Variants in NHSL1 observed in about 807,000 individuals in gnomAD.
NHSL1 encodes NHS-like protein 1.
Under a neutral mutation model 95.0 loss-of-function variants are expected in NHSL1, and 48 were observed. The observed-to-expected ratio is 0.51, with a 90% CI of 0.40 to 0.64. The LOEUF (loss-of-function observed/expected upper bound fraction) is 0.64, where lower values mean the gene tolerates loss of function less well. Ranked by LOEUF, NHSL1 falls within the 30% of genes least tolerant of loss-of-function variation. The probability of loss-of-function intolerance (pLI) is 0.00; values close to 1 mark genes in which losing one functional copy is unlikely to be tolerated. For missense variants in NHSL1, 1,971 were observed against 2,077.7 expected (o/e 0.95, Z 1.00); for synonymous variants, 783 against 833.9 (o/e 0.94, Z 1.05).
chr6:138,529,368 T>C (rs1583362112), intron 1 of NHSL1, among the ~76,000 whole-genome samples: 1 of 152,256 alleles, frequency 6.6e-6, no homozygotes, highest in African/African-American at 2.4e-5. Context: ...TTTTTTGTTT[T>C]GTTTTAATGA....
At chr6:138,521,175 G>T (rs1781666093) in intron 1 of NHSL1, among the ~76,000 whole-genome samples, 1 of 152,192 alleles carries the variant, frequency 6.6e-6, no homozygotes, top group African/African-American at 2.4e-5. Context: ...TTTCAAAACA[G>T]CTTAGGTGGA....
At position 138,431,036 on chromosome 6, in the gene NHSL1, T is replaced by A. The variant is rs1370456793; in HGVS notation, c.3309A>T (p.Pro1103=). 6.4e-7 allele frequency: 1 copy of A among 1,551,874 alleles called. No homozygotes were observed. Among genetic ancestry groups the A allele is most frequent in the African/African-American group, 1.4e-5 (1 of 73,070 alleles). ...SERTAQEQRT[P]VAPQYHLKPS... ...GCTTTAAGTGGTACTGTGGAGCAAC[T>A]GGAGTTCGTTGTTCCTGAGCTGTTC... Residue 1103 remains proline (P), a synonymous_variant, in exon 6 of 8, where the codon CCA becomes CCT. Transcript: ENST00000343505. This position sits in a 1 kb window ranked among gnomAD's most constrained non-coding sequence, Gnocchi z 4.0.
chr6:138,472,622 C>T (rs1180518111), intron 3 of NHSL1, among the ~76,000 whole-genome samples: 1 of 152,154 alleles, frequency 6.6e-6, no homozygotes, highest in African/African-American at 2.4e-5. Context: ...TGTCAATCCA[C>T]ATTACTTAGT....
At chr6:138,566,816 A>G (rs1214772092) in intron 1 of NHSL1, among the ~76,000 whole-genome samples, 1 of 152,152 alleles carries the variant, frequency 6.6e-6, no homozygotes, top group Non-Finnish European at 1.5e-5. Context: ...GGCAGTCTCA[A>G]TGGACCAGAG....
chr6:138,606,903 C>A (rs1050657861), intron 1 of NHSL1, among the ~76,000 whole-genome samples: 1 of 151,906 alleles, frequency 6.6e-6, no homozygotes, highest in Non-Finnish European at 1.5e-5. Context: ...CGGGGTTTCA[C>A]CATGTTAGCC....
At chr6:138,641,140 T>C (rs900767170) in intron 1 of NHSL1, among the ~76,000 whole-genome samples, 9 of 152,104 alleles carry the variant, frequency 5.9e-5, no homozygotes, top group Admixed American at 3.9e-4. Flanking sequence ...CCATCTCTAT[T>C]AAAAATACAA....
chr6:138,443,884 T>C (rs555435078), intron 4 of NHSL1, among the ~76,000 whole-genome samples: 20 of 152,282 alleles, frequency 1.3e-4, no homozygotes, highest in African/African-American at 4.6e-4. Context: ...TTTTGCTTCC[T>C]AGACAAAAGA....
At chr6:138,562,094 G>A (rs1003640807) in intron 1 of NHSL1, among the ~76,000 whole-genome samples, 3 of 152,126 alleles carry the variant, frequency 2.0e-5, no homozygotes, top group African/African-American at 4.8e-5. Context: ...CCAGCTTCAG[G>A]CATCCCCAGC....
chr6:138,527,860 G>A (rs1017894166), intron 1 of NHSL1, among the ~76,000 whole-genome samples: 1 of 152,198 alleles, frequency 6.6e-6, no homozygotes, highest in Non-Finnish European at 1.5e-5. Flanking sequence ...TACCATCTGT[G>A]TAGTTGAGAT....
chr6:138,458,237 G>C (rs1777749108), intron 3 of NHSL1, among the ~76,000 whole-genome samples: 1 of 152,108 alleles, frequency 6.6e-6, no homozygotes, highest in African/African-American at 2.4e-5. Context: ...TGTTATACTG[G>C]TTTGCACATT....
At chr6:138,496,679 T>A (rs147840545) in intron 1 of NHSL1, among the ~76,000 whole-genome samples, 1 of 152,264 alleles carries the variant, frequency 6.6e-6, no homozygotes, top group African/African-American at 2.4e-5. Flanking sequence ...CTGACAGAAT[T>A]GATAGAGACC....
At chr6:138,436,932 A>G (rs1435127362) in intron 5 of NHSL1, among the ~76,000 whole-genome samples, 1 of 152,164 alleles carries the variant, frequency 6.6e-6, no homozygotes, top group Non-Finnish European at 1.5e-5. Flanking sequence ...TTTTAAGTCC[A>G]CAGTTGAGAT....
At chr6:138,443,074 TACAC>T (rs201034152) in intron 4 of NHSL1, among the ~76,000 whole-genome samples, 9 of 150,980 alleles carry the variant, frequency 6.0e-5, no homozygotes, top group Non-Finnish European at 1.2e-4. Flanking sequence ...TATATATATA[TACAC>T]ACACACACAT....
At chr6:138,621,038 G>A (rs1480716191) in intron 1 of NHSL1, among the ~76,000 whole-genome samples, 1 of 152,198 alleles carries the variant, frequency 6.6e-6, no homozygotes, top group Admixed American at 6.5e-5. Flanking sequence ...GTAAGAAGGA[G>A]GAGAAAGTTG....
intron 1 of NHSL1, among the ~76,000 whole-genome samples, chr6:138,637,645 C>G (rs1375599376): frequency 2.0e-5 from 3 of 152,168 alleles, no homozygotes; most frequent in Admixed American, 2.0e-4. Flanking sequence ...CATCACTGAT[C>G]ATCAGAGAAC....
exon 1 of NHSL1, chr6:138,572,088 GA>G: frequency 1.7e-6 from 1 of 572,768 alleles, no homozygotes; most frequent in East Asian, 2.9e-5. Context: ...AAAAGAAAGG[GA>G]AAAGGAGGGG....
At chr6:138,596,665 G>A (rs1336031658) in intron 1 of NHSL1, among the ~76,000 whole-genome samples, 1 of 152,094 alleles carries the variant, frequency 6.6e-6, no homozygotes, top group African/African-American at 2.4e-5. Flanking sequence ...ACATCGAGGA[G>A]CTCAATGCAG....
Position 138,430,670 on chromosome 6 carries a change from T to G in NHSL1, c.3675A>C (p.Arg1225=). 3.2e-6 allele frequency: 5 copies of G among 1,551,630 alleles called. No individual in the cohort carries two copies. The highest frequency in any genetic ancestry group is 3.5e-6 in the Non-Finnish European group (4 of 1,146,996). Residue 1225 remains arginine, a synonymous_variant, in exon 6 of 8, where the codon CGA becomes CGC. Transcript: ENST00000343505. This position sits in a 1 kb window ranked among gnomAD's most constrained non-coding sequence, Gnocchi z 4.7. ...EPAENVSEAL[R]AVPSPTTGEE... ...CTCCCGTCGTGGGGCTGGGCACAGC[T>G]CGGAGGGCTTCGCTCACGTTCTCTG...
chr6:138,536,865 G>A (rs1161647113), intron 1 of NHSL1, among the ~76,000 whole-genome samples: 1 of 151,976 alleles, frequency 6.6e-6, no homozygotes, highest in Admixed American at 6.6e-5. Flanking sequence ...TGACAATTCA[G>A]GTGGACAGCT....
Sources: allele counts gnomAD v4.1 joint callset (sites outside exome capture counted in the v4.1 genomes callset), GRCh38; gene constraint gnomAD v4.1.1; non-coding constraint Gnocchi (gnomAD v3.1); transcripts MANE v1.5; gene names NCBI Gene and HGNC (gene_info 2026-07-23, HGNC 2026-07-21).